The following ANKRD36 variants were observed in gnomAD, a reference collection of about 807,000 sequenced individuals.
ANKRD36 encodes ankyrin repeat domain 36.
ANKRD36 carries 179 observed loss-of-function variants against 278.1 expected under a neutral mutation model. The ratio of observed to expected loss-of-function variants is 0.64; its 90% confidence interval spans 0.57 to 0.73. The LOEUF is 0.73. ANKRD36 is among the 30% of genes least tolerant of loss of function. The pLI, the probability that ANKRD36 is intolerant of heterozygous loss-of-function variation, is 0.00. For synonymous variants in ANKRD36, 320 were observed against 641.1 expected, an observed-to-expected ratio of 0.50 and a Z score of 7.57; for missense variants, 1,159 against 1,956.7, an observed-to-expected ratio of 0.59 and a Z score of 7.69.
rs1207687954 is a variant in ANKRD36, at chr2:97,159,789, A to AT, written c.1389+1145dup. Among the ~76,000 whole-genome samples, 598 of 133,066 alleles carry AT rather than the reference A, an allele frequency of 4.5e-3. 5 individuals carry two copies. The highest frequency in any genetic ancestry group is 0.013 in the Admixed American group (172 of 13,440). The allele number at this position is 133,066 out of a possible 152,430, so 87.3% of individuals were successfully genotyped here. On this transcript the variant is annotated intron_variant, in intron 17 of 75. Transcript: ENST00000420699. ...TAATAAAAATTAAAATTTCTGGTTA[A>AT]TTTTTTTTTTTGAGACGGAGTCTCG...
chr2:97,131,573 C>G lies in ANKRD36; in HGVS notation c.799+4439C>G, dbSNP rs894131186. Among the ~76,000 whole-genome samples the G allele has an allele frequency of 7.9e-5, 12 of 152,078 alleles. No homozygotes were observed. The South Asian group carries it at 1.0e-3, about 13-fold the overall frequency. ...ATAAGAAAAACCCACTGTTTGGGAG[C>G]CGAAGTGGATAACTCATCCTACATT... On this transcript the variant is annotated intron_variant, in intron 6 of 75. Transcript: ENST00000420699.
rs775234785 is a variant in ANKRD36, at chr2:97,209,698, C to T, written c.3283C>T (p.Pro1095Ser). The T allele has an allele frequency of 6.3e-7, 1 of 1,584,480 alleles. No homozygotes were observed. Among genetic ancestry groups the T allele is most frequent in the Non-Finnish European group, 8.6e-7 (1 of 1,167,340 alleles). Residue 1095 changes from proline (P) to serine (S), a missense_variant, in exon 55 of 76, where the codon CCA becomes TCA. Transcript: ENST00000420699. Reference sequence around the variant, plus strand: ...CTTTTCAGTGTCTTCTCGGAAAAAACCAGCCTTGAAGGTAATGAAACTCTC... The same window carrying T: ...CTTTTCAGTGTCTTCTCGGAAAAAATCAGCCTTGAAGGTAATGAAACTCTC... ...KTKRVSSRKKPALKATSDEKD... is the reference protein window; with the variant it reads ...KTKRVSSRKKSALKATSDEKD...
intron 46 of ANKRD36, among the ~76,000 whole-genome samples, chr2:97,201,025 A>C (rs2061236248): frequency 1.3e-5 from 2 of 151,874 alleles, no homozygotes; most frequent in African/African-American, 2.4e-5. Context: ...CATTTATATA[A>C]TTTTGTGGTT....
chr2:97,179,898 C>G lies in ANKRD36; in HGVS notation c.1700C>G (p.Ala567Gly). The G allele has an allele frequency of 1.2e-6, 2 of 1,605,752 alleles. No individual in the cohort carries two copies. The highest frequency in any genetic ancestry group is 1.7e-6 in the Non-Finnish European group (2 of 1,178,286). Residue 567 changes from alanine (A) to glycine (G), a missense_variant, in exon 24 of 76, where the codon GCC becomes GGC. Ala to Gly is a moderately conservative substitution (Grantham distance 60). Transcript: ENST00000420699. ...SDDKDSVSNI[A>G]TEIKEGPISG... ...GACAAAGATTCTGTTTCAAATATAG[C>G]CACAGAAATAAAGGAGGGACCAATA...
At chr2:97,218,260 T>C (rs1481517953) in intron 64 of ANKRD36, among the ~76,000 whole-genome samples, 6 of 150,382 alleles carry the variant, frequency 4.0e-5, no homozygotes, top group African/African-American at 1.5e-4. Flanking sequence ...AAAGTGATTA[T>C]TTTCAATGAA....
intron 22 of ANKRD36, among the ~76,000 whole-genome samples, chr2:97,169,724 G>A (rs1575248648): frequency 6.6e-6 from 1 of 152,360 alleles, no homozygotes; most frequent in Admixed American, 6.5e-5. Flanking sequence ...CAACTCACAA[G>A]GGATGAGAAA....
chr2:97,157,246 A>G (rs200342075), intron 15 of ANKRD36, among the ~76,000 whole-genome samples: 6 of 149,332 alleles, frequency 4.0e-5, no homozygotes, highest in East Asian at 2.0e-4. Context: ...TTTTTATTAC[A>G]TAAGTATTTA....
intron 18 of ANKRD36, among the ~76,000 whole-genome samples, chr2:97,162,994 ACG>A (rs2049414741): frequency 6.6e-6 from 1 of 150,904 alleles, no homozygotes. Context: ...TAAGCCGGGC[ACG>A]GTGGCTCACG....
At chr2:97,201,979 A>G (rs2061498429) in intron 46 of ANKRD36, among the ~76,000 whole-genome samples, 1 of 151,908 alleles carries the variant, frequency 6.6e-6, no homozygotes, top group Non-Finnish European at 1.5e-5. Context: ...CATATGAGAA[A>G]TCATACCATG....
intron 20 of ANKRD36, 119 bp downstream of exon 20, chr2:97,164,588 G>A: frequency 9.1e-7 from 1 of 1,094,190 alleles, no homozygotes; most frequent in Non-Finnish European, 1.3e-6. Flanking sequence ...ATGTAAATAT[G>A]CTGATGTTCT....
rs2053893599 is a variant in ANKRD36, at chr2:97,175,288, T to C, written c.1634-4450T>C. ...TTTTTGGTTGGTAAGCTATTGATTA[T>C]TGCCACAATTTCAGATCCTGTTATT... On this transcript the variant is annotated intron_variant, in intron 22 of 75. Coordinates refer to ENST00000420699, the MANE Select transcript of ANKRD36 (RefSeq NM_001354587.1). Among the ~76,000 whole-genome samples the C allele has an allele frequency of 6.7e-5, 10 of 149,236 alleles. No individual in the cohort carries two copies. In the Admixed American group the frequency reaches 6.8e-4, roughly 10 times the overall value.
At chr2:97,160,880 C>T (rs1040015133) in intron 17 of ANKRD36, among the ~76,000 whole-genome samples, 6 of 151,944 alleles carry the variant, frequency 3.9e-5, no homozygotes, top group African/African-American at 1.4e-4. Flanking sequence ...TAACTGTTTT[C>T]ATTAAGTTCA....
In ANKRD36 at chr2:97,243,885, T is replaced by C; in HGVS notation, c.4347T>C (p.Val1449=). ...AAGAAAAAAAGAAAAGAAGAAATGT[T>C]GAAGAGGTGCACCAAAAAGTTAGGG... ...IQQEKKKRRN[V]EEVHQKVREK... Residue 1449 remains valine (V), a synonymous_variant, in exon 70 of 76, where the codon GTT becomes GTC. Transcript: ENST00000420699. 6.2e-7 allele frequency: 1 copy of C among 1,606,876 alleles called. No individual in the cohort carries two copies. The highest frequency in any genetic ancestry group is 8.5e-7 in the Non-Finnish European group (1 of 1,178,600).
intron 67 of ANKRD36, among the ~76,000 whole-genome samples, chr2:97,228,262 G>A (rs1175975791): frequency 6.6e-6 from 1 of 152,078 alleles, no homozygotes; most frequent in Non-Finnish European, 1.5e-5. Flanking sequence ...AATCCATCTG[G>A]TCCTGGACTC....
At chr2:97,194,531 A>G (rs1281829524) in intron 38 of ANKRD36, among the ~76,000 whole-genome samples, 195 bp from the exon 39 acceptor site, 2 of 151,562 alleles carry the variant, frequency 1.3e-5, no homozygotes, top group East Asian at 3.9e-4. Flanking sequence ...TTGTAAGGGT[A>G]TATTTCACGG....
rs770245940 is a variant in ANKRD36, at chr2:97,204,257, A to G, written c.3055A>G (p.Arg1019Gly). 4.5e-5 allele frequency: 70 copies of G among 1,564,552 alleles called. No individual in the cohort carries two copies. The highest frequency in any genetic ancestry group is 5.4e-5 in the Non-Finnish European group (63 of 1,156,530). Residue 1019 changes from arginine (R) to glycine (G), a missense_variant, in exon 50 of 76, where the codon AGG (arginine) becomes GGG (glycine). Transcript: ENST00000420699. ...ARGKKDGEKT[R>G]TVSSQKPPTL... Reference sequence around the variant, plus strand: ...AGGAAAAAAGGATGGAGAAAAAACTAGGACAGGTAATTTTGAAAAGAGATT... The same window carrying G: ...AGGAAAAAAGGATGGAGAAAAAACTGGGACAGGTAATTTTGAAAAGAGATT...
intron 32 of ANKRD36, among the ~76,000 whole-genome samples, chr2:97,187,938 C>A (rs1223737771): frequency 1.3e-5 from 2 of 151,704 alleles, no homozygotes; most frequent in African/African-American, 4.8e-5. Flanking sequence ...CTGAGGAAAT[C>A]TGAGTGAACT....
intron 22 of ANKRD36, among the ~76,000 whole-genome samples, chr2:97,176,605 G>T (rs1420730607): frequency 2.7e-5 from 4 of 147,896 alleles, no homozygotes; most frequent in Admixed American, 1.4e-4. Context: ...TCTTTTAATT[G>T]GAGCATTTAG....
intron 22 of ANKRD36, among the ~76,000 whole-genome samples, chr2:97,174,438 G>A (rs1271567126): frequency 6.6e-6 from 1 of 151,490 alleles, no homozygotes; most frequent in African/African-American, 2.4e-5. Flanking sequence ...TTACCATTGG[G>A]CACCAGAGGT....
Sources: gnomAD v4.1 joint callset for allele counts (sites outside exome capture counted in the v4.1 genomes callset) on GRCh38, gnomAD v4.1.1 for gene constraint, MANE v1.5 for transcripts, NCBI Gene and HGNC (gene_info 2026-07-23, HGNC 2026-07-21) for gene names.